ANKS1B: variants seen among roughly 807,000 people sequenced by gnomAD.
The protein encoded by ANKS1B is ankyrin repeat and sterile alpha motif domain-containing protein 1B.
In ANKS1B, 36 loss-of-function variants were observed where a neutral mutation model predicts 148.3. The observed-to-expected ratio is 0.24, with a 90% confidence interval of 0.19 to 0.32. The LOEUF (loss-of-function observed/expected upper bound fraction) is 0.32. Among genes scored for constraint, ANKS1B ranks in the 10% least tolerant of loss-of-function variants. The pLI is 1.00. For missense variants in ANKS1B, 1,157 were observed against 1,542.6 expected (o/e 0.75, Z 4.19); for synonymous variants, 542 against 560.8 (o/e 0.97, Z 0.47).
chr12:99,967,603 G>A (rs560028407), intron 1 of ANKS1B, among the ~76,000 whole-genome samples: 8 of 151,656 alleles, frequency 5.3e-5, no homozygotes, highest in South Asian at 2.1e-4. Context: ...CTTTCACTAT[G>A]TAATTTACTA....
intron 1 of ANKS1B, among the ~76,000 whole-genome samples, chr12:99,842,054 A>G (rs747049241): frequency 6.6e-6 from 1 of 152,118 alleles, no homozygotes; most frequent in Non-Finnish European, 1.5e-5. Flanking sequence ...TGCTTCACTC[A>G]TTTAATTTTA....
intron 1 of ANKS1B, among the ~76,000 whole-genome samples, chr12:99,901,101 A>T (rs1199625188): frequency 6.6e-6 from 1 of 152,264 alleles, no homozygotes; most frequent in Non-Finnish European, 1.5e-5. Context: ...TTAAAAAAAT[A>T]GATATATCTT....
Position 98,744,453 on chromosome 12 carries a change from A to C in ANKS1B, c.*1286T>G. The stretch of plus-strand genomic sequence containing the variant: ...CAAAATGATTCACAATATGATTGTT[A>C]GAACAATATACATTAAAATGTTATT... On this transcript the variant is annotated 3_prime_UTR_variant, in exon 27 of 27. Transcript: ENST00000683438. 1 of 724,110 alleles carries C rather than the reference A, an allele frequency of 1.4e-6. No individual in the cohort carries two copies. The highest frequency in any genetic ancestry group is 1.7e-6 in the Non-Finnish European group (1 of 591,394). 44.9% of individuals were successfully genotyped at this position (724,110 alleles called of 1,614,324 possible).
chr12:99,775,754 T>A lies in ANKS1B; in HGVS notation c.848-93A>T, dbSNP rs574581601. On this transcript the variant is annotated intron_variant, in intron 6 of 26. Coordinates refer to ENST00000683438, the MANE Select transcript of ANKS1B (RefSeq NM_001352186.2). ...TTTACTTCTGGTAATCAGTTTTTCATTTATTTTTTCATATCCTAAATATAT... is the reference window on the plus strand; with the variant it reads ...TTTACTTCTGGTAATCAGTTTTTCAATTATTTTTTCATATCCTAAATATAT... 2.4e-5 allele frequency: 17 copies of A among 696,532 alleles called. No individual in the cohort carries two copies. The South Asian group carries it at 5.0e-4, about 21-fold the overall frequency. The allele number at this position is 696,532 out of a possible 1,614,324, so 43.1% of individuals were successfully genotyped here. A position where few individuals can be genotyped will look rare whatever the true frequency, so the allele number is the denominator to read the frequency against.
intron 9 of ANKS1B, among the ~76,000 whole-genome samples, chr12:99,591,209 G>A (rs1366913560): frequency 1.3e-5 from 2 of 151,760 alleles, no homozygotes; most frequent in Non-Finnish European, 2.9e-5. Flanking sequence ...AAACCAATGA[G>A]AATTATGAAA....
intron 15 of ANKS1B, among the ~76,000 whole-genome samples, chr12:99,132,899 A>C (rs1297257331): frequency 6.6e-6 from 1 of 152,160 alleles, no homozygotes; most frequent in Non-Finnish European, 1.5e-5. Flanking sequence ...AGGTTGAGGA[A>C]TGGTACTTCA....
rs75622587 is a variant in ANKS1B, at chr12:99,285,001, T to C, written c.1757-38137A>G. On this transcript the variant is annotated intron_variant, in intron 12 of 26. Coordinates refer to ENST00000683438, the MANE Select transcript of ANKS1B (RefSeq NM_001352186.2). ...ATAAACTAAACACACTTAAAGTGTA[T>C]AACTTAAAGTTTTCAGATTTAGATA... Among the ~76,000 whole-genome samples the C allele has an allele frequency of 8.5e-3, 1,288 of 152,334 alleles. 18 individuals carry two copies. The highest frequency in any genetic ancestry group is 0.029 in the African/African-American group (1,212 of 41,562).
chr12:99,412,612 T>C (rs2152679429), intron 11 of ANKS1B, among the ~76,000 whole-genome samples: 1 of 152,350 alleles, frequency 6.6e-6, no homozygotes, highest in Non-Finnish European at 1.5e-5. Context: ...TTTTAGAATT[T>C]CGCAAATGCC....
intron 8 of ANKS1B, among the ~76,000 whole-genome samples, chr12:99,740,915 A>T (rs1429924070): frequency 4.6e-5 from 7 of 152,032 alleles, no homozygotes; most frequent in African/African-American, 1.7e-4. Flanking sequence ...AGACCAGGAG[A>T]TTCCCTCTAG....
chr12:98,984,735 C>T (rs138091225), intron 17 of ANKS1B, among the ~76,000 whole-genome samples: 532 of 152,238 alleles, frequency 3.5e-3, no homozygotes, highest in Middle Eastern at 0.02. Context: ...TTCTGTGGCT[C>T]ATGGTGGCTC....
intron 17 of ANKS1B, among the ~76,000 whole-genome samples, chr12:99,023,978 A>G (rs1271932124): frequency 2.7e-5 from 4 of 150,618 alleles, no homozygotes; most frequent in African/African-American, 9.7e-5. Flanking sequence ...ATTTAATTAT[A>G]TAAAGATTAC....
At chr12:99,342,430 T>A (rs2090057239) in intron 12 of ANKS1B, among the ~76,000 whole-genome samples, 1 of 151,900 alleles carries the variant, frequency 6.6e-6, no homozygotes, top group South Asian at 2.1e-4. Flanking sequence ...GTGTGGCTAA[T>A]CATAGACAGT....
At chr12:99,648,190 A>T (rs750305493) in intron 9 of ANKS1B, 1 of 1,613,774 alleles carries the variant, frequency 6.2e-7, no homozygotes, top group South Asian at 1.1e-5. Context: ...GGACTGCTGT[A>T]TGCTACCGTA....
chr12:98,943,046 A>G (rs2099839547), intron 17 of ANKS1B, among the ~76,000 whole-genome samples: 2 of 152,242 alleles, frequency 1.3e-5, no homozygotes, highest in South Asian at 4.1e-4. Context: ...GAATCTGCCT[A>G]CGTGTGAAAG....
intron 8 of ANKS1B, among the ~76,000 whole-genome samples, chr12:99,679,190 AAAT>A (rs1383871688): frequency 1.3e-5 from 2 of 152,272 alleles, no homozygotes; most frequent in Non-Finnish European, 2.9e-5. Context: ...GTGATCAAAG[AAAT>A]AATAAACAAA....
chr12:99,666,207 C>G (rs75057130), intron 8 of ANKS1B, among the ~76,000 whole-genome samples: 1 of 152,080 alleles, frequency 6.6e-6, no homozygotes, highest in Non-Finnish European at 1.5e-5. Context: ...CATTGATAGA[C>G]GTTTATAAGC....
chr12:99,364,201 A>C (rs2092642847), intron 12 of ANKS1B, among the ~76,000 whole-genome samples: 1 of 152,160 alleles, frequency 6.6e-6, no homozygotes, highest in South Asian at 2.1e-4. Flanking sequence ...TGTACTGCAA[A>C]TTCATGGACT....
chr12:98,798,618 C>G (rs2372446), intron 22 of ANKS1B, among the ~76,000 whole-genome samples: 128,447 of 152,218 alleles, frequency 0.84, 54,353 homozygotes, highest in East Asian at 1. Flanking sequence ...TCAGACTATT[C>G]AGTGCGTGCT....
chr12:99,486,086 A>T (rs910169453), intron 10 of ANKS1B, among the ~76,000 whole-genome samples: 1 of 152,166 alleles, frequency 6.6e-6, no homozygotes, highest in African/African-American at 2.4e-5. Flanking sequence ...TCTTTCAGAG[A>T]TGTTATAGAA....
Sources: gnomAD v4.1 joint callset for allele counts (sites outside exome capture counted in the v4.1 genomes callset) on GRCh38, gnomAD v4.1.1 for gene constraint, MANE v1.5 for transcripts, NCBI Gene and HGNC (gene_info 2026-07-23, HGNC 2026-07-21) for gene names.